Variants in CDYL observed in about 807,000 individuals in gnomAD.
CDYL encodes chromodomain Y-like protein.
Under a neutral mutation model 47.3 loss-of-function variants are expected in CDYL, and 8 were observed. That is an observed-to-expected ratio of 0.17 (90% confidence interval 0.10 to 0.31). CDYL has a LOEUF of 0.31. Among genes scored for constraint, CDYL ranks in the 10% least tolerant of loss-of-function variants. CDYL has a pLI of 1.00. For missense variants in CDYL, 471 were observed against 701.4 expected, an observed-to-expected ratio of 0.67 and a Z score of 3.71; for synonymous variants, 266 against 265.0, an observed-to-expected ratio of 1.00 and a Z score of -0.04.
At chr6:4,829,299 G>A (rs1760068255) in intron 1 of CDYL, among the ~76,000 whole-genome samples, 1 of 152,170 alleles carries the variant, frequency 6.6e-6, no homozygotes, top group African/African-American at 2.4e-5. Context: ...CTATTCTGTA[G>A]AGACTGTATT....
At chr6:4,847,888 G>A (rs1228007873) in intron 1 of CDYL, among the ~76,000 whole-genome samples, 3 of 152,144 alleles carry the variant, frequency 2.0e-5, no homozygotes, top group African/African-American at 7.2e-5. Context: ...AGGAACAATT[G>A]TCAGGAGTTC....
chr6:4,764,669 CAGAT>C (rs973401549), intron 3 of CDYL, among the ~76,000 whole-genome samples: 1 of 152,110 alleles, frequency 6.6e-6, no homozygotes, highest in Non-Finnish European at 1.5e-5. Context: ...CTTCCTTCAC[CAGAT>C]AGATTATAAC....
At chr6:4,741,273 C>T (rs1237940032) in intron 3 of CDYL, among the ~76,000 whole-genome samples, 1 of 152,154 alleles carries the variant, frequency 6.6e-6, no homozygotes, top group African/African-American at 2.4e-5. Flanking sequence ...GTCAAATCTA[C>T]ACCATTAAAT....
At chr6:4,728,292 C>G (rs1158511217) in intron 2 of CDYL, among the ~76,000 whole-genome samples, 1 of 152,170 alleles carries the variant, frequency 6.6e-6, no homozygotes, top group African/African-American at 2.4e-5. Flanking sequence ...TTGCCTCGGG[C>G]TCACCCCTGA....
chr6:4,809,511 C>T (rs1341440177), intron 1 of CDYL, among the ~76,000 whole-genome samples: 1 of 151,382 alleles, frequency 6.6e-6, no homozygotes, highest in South Asian at 2.1e-4. Flanking sequence ...TATATTAGTC[C>T]TTGGTGATCC....
Position 4,776,824 on chromosome 6 carries a change from C to CCCCCCCCGG in CDYL, c.24+17_24+18insCCCCCCCGG. 3.0e-6 allele frequency: 3 copies of CCCCCCCCGG among 987,932 alleles called. No homozygotes were observed. Among genetic ancestry groups the CCCCCCCCGG allele is most frequent in the Non-Finnish European group, 3.7e-6 (3 of 818,654 alleles). The allele number at this position is 987,932 out of a possible 1,614,324, so 61.2% of individuals were successfully genotyped here. A position where few individuals can be genotyped will look rare whatever the true frequency, so the allele number is the denominator to read the frequency against. On this transcript the variant is annotated intron_variant, in intron 1 of 6. Coordinates refer to ENST00000397588, the MANE Select transcript of CDYL (RefSeq NM_004824.4). Reference sequence around the variant, plus strand: ...CTGTACGAGGTACCTCCCCTCCCCCCGGCCTCGGGCCGCCCCCCGCCCGCC... The same window carrying CCCCCCCCGG: ...CTGTACGAGGTACCTCCCCTCCCCCCCCCCCCCGGGGCCTCGGGCCGCCCCCCGCCCGCC...
intron 2 of CDYL, among the ~76,000 whole-genome samples, chr6:4,723,948 G>A (rs1290070181): frequency 6.6e-6 from 1 of 152,180 alleles, no homozygotes; most frequent in Admixed American, 6.5e-5. Flanking sequence ...GAATGAATGA[G>A]CCCTGGGGAT....
upstream of CDYL, among the ~76,000 whole-genome samples, chr6:4,773,906 TG>T (rs766845166): frequency 3.3e-5 from 5 of 152,358 alleles, no homozygotes; most frequent in Admixed American, 1.3e-4. The surrounding 1 kb of genome is among the most constrained non-coding windows in gnomAD (Gnocchi z 4.6). Context: ...ATTTTTGAGT[TG>T]CCTTTTTGAG....
At chr6:4,794,647 A>G (rs1290496595) in intron 1 of CDYL, among the ~76,000 whole-genome samples, 1 of 152,184 alleles carries the variant, frequency 6.6e-6, no homozygotes, top group East Asian at 1.9e-4. Flanking sequence ...GATGGCCAGA[A>G]GGGATTGCAT....
intron 1 of CDYL, among the ~76,000 whole-genome samples, chr6:4,867,196 TAAAAC>T (rs1405047603): frequency 6.6e-6 from 1 of 152,158 alleles, no homozygotes; most frequent in Non-Finnish European, 1.5e-5. Flanking sequence ...TGGAGTATGT[TAAAAC>T]AAATCCAAGC....
At chr6:4,929,272 C>T (rs975516124) in intron 2 of CDYL, among the ~76,000 whole-genome samples, 2 of 151,020 alleles carry the variant, frequency 1.3e-5, no homozygotes, top group Non-Finnish European at 2.9e-5. Flanking sequence ...ATTCCATTTT[C>T]TTCTGTCTTG....
intron 3 of CDYL, among the ~76,000 whole-genome samples, chr6:4,759,228 C>T (rs1758131680): frequency 6.6e-6 from 1 of 152,132 alleles, no homozygotes; most frequent in South Asian, 2.1e-4. Flanking sequence ...CTCAGCCTCC[C>T]AAAGTGCTAG....
intron 1 of CDYL, among the ~76,000 whole-genome samples, chr6:4,851,447 G>A (rs1293508171): frequency 6.6e-6 from 1 of 152,204 alleles, no homozygotes; most frequent in Non-Finnish European, 1.5e-5. Flanking sequence ...TAGGTGGTTA[G>A]GGGTGAGCTT....
chr6:4,840,043 T>C (rs866599499), intron 1 of CDYL, among the ~76,000 whole-genome samples: 1 of 152,340 alleles, frequency 6.6e-6, no homozygotes, highest in South Asian at 2.1e-4. Context: ...ATTCTACCTC[T>C]CCATGGGCAT....
intron 1 of CDYL, among the ~76,000 whole-genome samples, chr6:4,788,997 T>C (rs981731323): frequency 6.6e-6 from 1 of 152,290 alleles, no homozygotes; most frequent in African/African-American, 2.4e-5. Context: ...GGCCAGGTGC[T>C]GCTCCTCCTG....
At chr6:4,945,002 C>T (rs558375954) in intron 5 of CDYL, among the ~76,000 whole-genome samples, 4 of 152,280 alleles carry the variant, frequency 2.6e-5, no homozygotes, top group African/African-American at 9.6e-5. Context: ...AGTCTGCAGA[C>T]ACCCGCAGTG....
chr6:4,885,814 A>G (rs927522859), intron 1 of CDYL, among the ~76,000 whole-genome samples: 1 of 152,158 alleles, frequency 6.6e-6, no homozygotes, highest in Non-Finnish European at 1.5e-5. Context: ...CTGTTAGCAT[A>G]TACAGTTTTG....
intron 1 of CDYL, among the ~76,000 whole-genome samples, chr6:4,829,123 T>C (rs771169214): frequency 5.3e-5 from 8 of 152,198 alleles, no homozygotes; most frequent in Non-Finnish European, 7.3e-5. Context: ...TGTACTTCCC[T>C]ATTTCTTTAT....
chr6:4,723,306 A>G (rs753920836), intron 2 of CDYL, among the ~76,000 whole-genome samples: 1 of 152,074 alleles, frequency 6.6e-6, no homozygotes, highest in Non-Finnish European at 1.5e-5. Flanking sequence ...GCATCTGTGG[A>G]TTTTGGTATT....
Sources: allele counts gnomAD v4.1 joint callset (sites outside exome capture counted in the v4.1 genomes callset), GRCh38; gene constraint gnomAD v4.1.1; non-coding constraint Gnocchi (gnomAD v3.1); transcripts MANE v1.5; gene names NCBI Gene and HGNC (gene_info 2026-07-23, HGNC 2026-07-21).